The following FOCAD variants were observed in gnomAD, a reference collection of about 807,000 sequenced individuals.
FOCAD encodes the protein focadhesin, also known as KIAA1797.
FOCAD carries 198 observed loss-of-function variants against 225.6 expected under a neutral mutation model. That is an observed-to-expected ratio of 0.88 (90% CI 0.78 to 0.99). The LOEUF (loss-of-function observed/expected upper bound fraction) is 0.99. Ranked by LOEUF, FOCAD falls within the 50% of genes least tolerant of loss-of-function variation. The probability of loss-of-function intolerance (pLI) is 0.00; values close to 1 mark genes in which losing one functional copy is unlikely to be tolerated. For synonymous variants in FOCAD, 897 were observed against 755.0 expected, an observed-to-expected ratio of 1.19 and a Z score of -3.08; for missense variants, 2,713 against 2,123.6, an observed-to-expected ratio of 1.28 and a Z score of -5.46.
At chr9:20,941,865 T>A (rs1289339952) in intron 28 of FOCAD, among the ~76,000 whole-genome samples, 3 of 152,192 alleles carry the variant, frequency 2.0e-5, no homozygotes, top group Non-Finnish European at 4.4e-5. Context: ...TATTCTTGGT[T>A]CAAAGCTGGC....
At chr9:20,888,154 T>G (rs1831281339) in intron 21 of FOCAD, among the ~76,000 whole-genome samples, 1 of 147,812 alleles carries the variant, frequency 6.8e-6, no homozygotes, top group Non-Finnish European at 1.5e-5. Context: ...TTTTTTTTTT[T>G]TTGAGATGGA....
intron 11 of FOCAD, among the ~76,000 whole-genome samples, chr9:20,813,386 G>T (rs890706686): frequency 6.6e-6 from 1 of 151,998 alleles, no homozygotes; most frequent in South Asian, 2.1e-4. Context: ...CCTCAAGATC[G>T]ATCATAGAGT....
At chr9:20,792,466 C>T (rs190596111) in intron 11 of FOCAD, among the ~76,000 whole-genome samples, 13 of 152,312 alleles carry the variant, frequency 8.5e-5, no homozygotes, top group East Asian at 5.8e-4. Flanking sequence ...TTCCTCAAAA[C>T]GTATCCCCAT....
intron 4 of FOCAD, among the ~76,000 whole-genome samples, chr9:20,735,620 A>G (rs1827091233): frequency 6.6e-6 from 1 of 151,082 alleles, no homozygotes; most frequent in African/African-American, 2.4e-5. Context: ...GGCTCAAGTG[A>G]TCCTCCTGCC....
intron 8 of FOCAD, among the ~76,000 whole-genome samples, chr9:20,772,669 G>A (rs1275061937): frequency 1.3e-5 from 2 of 152,114 alleles, no homozygotes; most frequent in Non-Finnish European, 2.9e-5. Flanking sequence ...CAGCAGGGTG[G>A]TGGTGGTTGG....
chr9:20,669,906 A>G (rs917805609), intron 2 of FOCAD, among the ~76,000 whole-genome samples: 23 of 152,258 alleles, frequency 1.5e-4, no homozygotes, highest in Admixed American at 3.3e-4. Flanking sequence ...ATGACTACAT[A>G]GGTCATATAC....
At chr9:20,985,179 C>T (rs1266720942) in intron 39 of FOCAD, among the ~76,000 whole-genome samples, 2 of 152,204 alleles carry the variant, frequency 1.3e-5, no homozygotes, top group African/African-American at 4.8e-5. Flanking sequence ...TACTTTGTTA[C>T]ATTAAATTCC....
intron 23 of FOCAD, among the ~76,000 whole-genome samples, chr9:20,915,416 G>A (rs554047687): frequency 2.3e-4 from 35 of 152,242 alleles, no homozygotes; most frequent in Admixed American, 5.2e-4. Context: ...AATCTTAAAA[G>A]CCAAGGAAAG....
intron 5 of FOCAD, among the ~76,000 whole-genome samples, chr9:20,756,373 T>A (rs1829051540): frequency 6.6e-6 from 1 of 152,104 alleles, no homozygotes; most frequent in Non-Finnish European, 1.5e-5. Flanking sequence ...TGTGTTTCAA[T>A]GTGATAGATC....
intron 5 of FOCAD, among the ~76,000 whole-genome samples, chr9:20,754,196 C>A (rs1240996519): frequency 6.6e-6 from 1 of 152,086 alleles, no homozygotes; most frequent in African/African-American, 2.4e-5. Context: ...AAAGAAAAAT[C>A]TTGAGTAATC....
intron 29 of FOCAD, among the ~76,000 whole-genome samples, chr9:20,945,262 A>G (rs1323813490): frequency 6.6e-6 from 1 of 152,190 alleles, no homozygotes; most frequent in African/African-American, 2.4e-5. Context: ...AAATATGCAG[A>G]ATTGGAGTTC....
chr9:20,862,555 G>A (rs913352802), intron 15 of FOCAD, 23 bp from the exon 16 acceptor site: 124 of 1,610,340 alleles, frequency 7.7e-5, no homozygotes, highest in Non-Finnish European at 1.0e-4. Context: ...GTTAGGTGTT[G>A]ACCTTTTCTA....
upstream of FOCAD, among the ~76,000 whole-genome samples, chr9:20,655,692 G>T (rs191287925): frequency 2.0e-4 from 31 of 152,044 alleles, no homozygotes; most frequent in African/African-American, 6.8e-4. Context: ...TCTTGCTAGC[G>T]GTCTATCAAT....
chr9:20,668,093 C>T (rs1821947785), intron 2 of FOCAD, among the ~76,000 whole-genome samples: 1 of 152,172 alleles, frequency 6.6e-6, no homozygotes, highest in African/African-American at 2.4e-5. Flanking sequence ...TACATTTCCA[C>T]ATTTCATACG....
intron 1 of FOCAD, among the ~76,000 whole-genome samples, chr9:20,687,005 T>TC (rs1822707796): frequency 6.6e-6 from 1 of 152,076 alleles, no homozygotes; most frequent in Admixed American, 6.5e-5. Flanking sequence ...AGTTTTTTTT[T>TC]TTTTTCCCCC....
At chr9:20,856,832 A>G (rs1384669210) in intron 15 of FOCAD, among the ~76,000 whole-genome samples, 3 of 152,052 alleles carry the variant, frequency 2.0e-5, no homozygotes, top group African/African-American at 4.8e-5. Flanking sequence ...TCCCAGACCC[A>G]TTTATTGAAG....
Position 20,933,079 on chromosome 9 carries a change from G to C in FOCAD, c.3383G>C (p.Cys1128Ser). ...MKSLDALENC[C>S]FDTSLEYNTG... ...TCGTTGGATGCCCTGGAAAATTGCT[G>C]CTTTGACACTAGTCTTGAATACAAG... Residue 1128 changes from cysteine to serine, a missense_variant, in exon 28 of 44, where the codon TGC (cysteine) becomes TCC (serine). Transcript: ENST00000338382. The C allele has an allele frequency of 6.2e-7, 1 of 1,613,810 alleles. No individual in the cohort carries two copies. The highest frequency in any genetic ancestry group is 8.5e-7 in the Non-Finnish European group (1 of 1,179,768).
In FOCAD at chr9:20,770,020, T is replaced by G. The variant is rs1587095019; in HGVS notation, c.700-12T>G. The G allele has an allele frequency of 9.3e-6, 15 of 1,609,222 alleles. No homozygotes were observed. Among genetic ancestry groups the G allele is most frequent in the East Asian group, 2.2e-5 (1 of 44,808 alleles). ...GTATTTTTTAATATCATATAATGAC[T>G]TTTTTAAACAGGTAAAAGATTTGAT... On this transcript the variant is annotated splice_polypyrimidine_tract_variant and intron_variant, in intron 7 of 43. Transcript: ENST00000338382.
chr9:20,894,880 G>A (rs1355839977), intron 21 of FOCAD, among the ~76,000 whole-genome samples: 1 of 151,900 alleles, frequency 6.6e-6, no homozygotes, highest in African/African-American at 2.4e-5. Context: ...CTTTGATATT[G>A]TTTCTGAAAA....
Sources: allele counts gnomAD v4.1 joint callset (sites outside exome capture counted in the v4.1 genomes callset), GRCh38; gene constraint gnomAD v4.1.1; transcripts MANE v1.5; gene names NCBI Gene and HGNC (gene_info 2026-07-23, HGNC 2026-07-21).